AP3B1: variants seen among roughly 807,000 people sequenced by gnomAD.
The protein encoded by AP3B1 is adaptor related protein complex 3 subunit beta 1, also known as AP-3 complex subunit beta-1.
In AP3B1, 61 loss-of-function variants were observed where a neutral mutation model predicts 132.5. The ratio of observed to expected loss-of-function variants is 0.46; its 90% CI spans 0.37 to 0.57. AP3B1 has a LOEUF of 0.57. Ranked by LOEUF, AP3B1 falls within the 20% of genes least tolerant of loss-of-function variation. The probability of loss-of-function intolerance (pLI) is 0.00; values close to 1 mark genes in which losing one functional copy is unlikely to be tolerated. For synonymous variants in AP3B1, 388 were observed against 438.3 expected (o/e 0.89, Z 1.43); for missense variants, 1,120 against 1,289.4 (o/e 0.87, Z 2.01).
chr5:78,093,284 C>T (rs996363779), intron 21 of AP3B1, among the ~76,000 whole-genome samples: 1 of 151,868 alleles, frequency 6.6e-6, no homozygotes, highest in Non-Finnish European at 1.5e-5. Context: ...CCTTGACCTC[C>T]TGGGGCTTAA....
rs1743242840 is a variant in AP3B1 at position 78,158,385 on chromosome 5, A to G, written c.1364-2018T>C. 4.6e-5 allele frequency among the ~76,000 whole-genome samples: 7 copies of G among 152,168 alleles called. No individual in the cohort carries two copies. The South Asian group carries it at 1.5e-3, about 32-fold the overall frequency. On this transcript the variant is annotated intron_variant, in intron 13 of 26. Transcript: ENST00000255194. ...AGCAGGAGAATCACCTGGGCCAAGG[A>G]AGGTTGAGGCTTCAGTGAGCCGTGA...
intron 1 of AP3B1, among the ~76,000 whole-genome samples, chr5:78,275,568 C>T (rs1331229248): frequency 2.6e-5 from 4 of 152,134 alleles, no homozygotes; most frequent in East Asian, 1.9e-4. Flanking sequence ...CTCCGCCTCC[C>T]GGGTTCAAGC....
chr5:78,162,841 G>A lies in AP3B1; in HGVS notation c.1341C>T (p.Val447=), dbSNP rs778991987. The change falls in exon 13 of 27, where the codon GTC becomes GTT. Residue 447 remains valine (V), a synonymous_variant. Coordinates refer to ENST00000255194, the MANE Select transcript of AP3B1 (RefSeq NM_003664.5). The part of the protein sequence containing the change: ...EVTDTCLNGL[V]CLLSNRDEIV... Reference sequence around the variant, plus strand: ...TACCATCCCTGTTGGACAGCAGACAGACCAAGCCATTGAGGCACGTGTCAG... The same window carrying A: ...TACCATCCCTGTTGGACAGCAGACAAACCAAGCCATTGAGGCACGTGTCAG... The A allele has an allele frequency of 1.9e-6, 3 of 1,613,996 alleles. No homozygotes were observed. The highest frequency in any genetic ancestry group is 2.5e-6 in the Non-Finnish European group (3 of 1,179,920).
chr5:78,027,813 C>T (rs533973452), intron 24 of AP3B1, among the ~76,000 whole-genome samples: 1 of 151,868 alleles, frequency 6.6e-6, no homozygotes, highest in Non-Finnish European at 1.5e-5. Flanking sequence ...CTGTTGATTC[C>T]AACTTTATGG....
intron 11 of AP3B1, among the ~76,000 whole-genome samples, chr5:78,175,350 G>A (rs1744104209): frequency 6.6e-6 from 1 of 152,120 alleles, no homozygotes; most frequent in Non-Finnish European, 1.5e-5. Flanking sequence ...TGGCCATCTT[G>A]GAACAAATCT....
At chr5:78,209,781 C>G (rs978866613) in intron 7 of AP3B1, among the ~76,000 whole-genome samples, 1 of 152,186 alleles carries the variant, frequency 6.6e-6, no homozygotes, top group African/African-American at 2.4e-5. Context: ...AGAAGGGTCA[C>G]TCAGAAAAAT....
chr5:78,019,496 G>A (rs1049339095), intron 25 of AP3B1, among the ~76,000 whole-genome samples: 2 of 152,082 alleles, frequency 1.3e-5, no homozygotes, highest in Admixed American at 1.3e-4. Flanking sequence ...GTAAAGCAGA[G>A]AGGCAGGCTT....
chr5:78,253,450 G>A (rs1436703810), intron 2 of AP3B1, among the ~76,000 whole-genome samples: 1 of 152,208 alleles, frequency 6.6e-6, no homozygotes, highest in Non-Finnish European at 1.5e-5. Flanking sequence ...AGCCCAGGCA[G>A]TGATGACTAC....
chr5:78,156,552 GAGTTAACTTTA>G (rs1015101794), intron 13 of AP3B1, among the ~76,000 whole-genome samples, 185 bp from the exon 14 acceptor site: 5 of 152,138 alleles, frequency 3.3e-5, no homozygotes, highest in Non-Finnish European at 4.4e-5. Flanking sequence ...TTAACTAGGA[GAGTTAACTTTA>G]ATTTCTAACC....
rs184427884 is a variant in AP3B1 at position 78,176,654 on chromosome 5, T to G, written c.1040+685A>C. On this transcript the variant is annotated intron_variant, in intron 9 of 26. Transcript: ENST00000255194. ...TTAAACACAGAAACAAATGTCTGAA[T>G]TAAACCTGAAATCATGATTCTCATG... 3.1e-3 allele frequency among the ~76,000 whole-genome samples: 468 copies of G among 152,300 alleles called. 2 individuals carry two copies. Among genetic ancestry groups the G allele is most frequent in the African/African-American group, 0.011 (446 of 41,574 alleles).
rs1231088189 is a variant in AP3B1 at position 78,294,589 on chromosome 5, G to A, written c.-10C>T. ...AACTATTGCTGGACATTGCCGCGGT[G>A]CTGGCGGGTGCGGGGTTGGTCCTGC... On this transcript the variant is annotated 5_prime_UTR_variant, in exon 1 of 27. Transcript: ENST00000255194. The A allele has an allele frequency of 4.3e-6, 7 of 1,613,860 alleles. No individual in the cohort carries two copies. Among genetic ancestry groups the A allele is most frequent in the Admixed American group, 1.7e-5 (1 of 60,014 alleles).
intron 1 of AP3B1, among the ~76,000 whole-genome samples, chr5:78,270,819 G>A (rs1474621348): frequency 6.6e-6 from 1 of 152,130 alleles, no homozygotes. Context: ...GTTGACATCT[G>A]ATACCCATGA....
At chr5:78,046,755 A>G (rs1748349459) in intron 22 of AP3B1, among the ~76,000 whole-genome samples, 1 of 151,934 alleles carries the variant, frequency 6.6e-6, no homozygotes, top group Admixed American at 6.6e-5. Flanking sequence ...CAGAATGTGC[A>G]GGTTTGTTAC....
intron 18 of AP3B1, among the ~76,000 whole-genome samples, chr5:78,115,178 G>A (rs1423464706): frequency 6.6e-6 from 1 of 152,178 alleles, no homozygotes; most frequent in Admixed American, 6.5e-5. Context: ...CAGATAACTG[G>A]CTTATGCTAT....
chr5:78,135,467 G>A (rs1752872892), intron 15 of AP3B1, among the ~76,000 whole-genome samples: 1 of 152,044 alleles, frequency 6.6e-6, no homozygotes, highest in Non-Finnish European at 1.5e-5. Context: ...CCAACAAGGT[G>A]GCAGTGGTTA....
intron 24 of AP3B1, among the ~76,000 whole-genome samples, chr5:78,022,197 T>C (rs1274574497): frequency 1.3e-5 from 2 of 152,228 alleles, no homozygotes; most frequent in Non-Finnish European, 2.9e-5. Context: ...AAACACTGAA[T>C]ACAACCTTGA....
At chr5:78,168,013 GAAA>G (rs149936824) in intron 11 of AP3B1, among the ~76,000 whole-genome samples, 1 of 110,792 alleles carries the variant, frequency 9.0e-6, no homozygotes, top group African/African-American at 3.8e-5. Flanking sequence ...AAAACCTACT[GAAA>G]AAAAAAAAAA....
intron 14 of AP3B1, among the ~76,000 whole-genome samples, chr5:78,149,484 AG>A (rs1753553157): frequency 6.6e-6 from 1 of 152,230 alleles, no homozygotes; most frequent in African/African-American, 2.4e-5. Flanking sequence ...AAAATATAAA[AG>A]AGGCAATAAG....
chr5:78,252,692 C>T (rs1024616050), intron 2 of AP3B1, among the ~76,000 whole-genome samples: 3 of 152,122 alleles, frequency 2.0e-5, no homozygotes, highest in Non-Finnish European at 2.9e-5. Context: ...AGTGCCAGCT[C>T]GGCTGCAATA....
Sources: allele counts gnomAD v4.1 joint callset (sites outside exome capture counted in the v4.1 genomes callset), GRCh38; gene constraint gnomAD v4.1.1; transcripts MANE v1.5; gene names NCBI Gene and HGNC (gene_info 2026-07-23, HGNC 2026-07-21).